The following PASK variants were observed in gnomAD, a reference collection of about 807,000 sequenced individuals.
The protein encoded by PASK is PAS domain-containing serine/threonine-protein kinase.
Under a neutral mutation model 121.0 loss-of-function variants are expected in PASK, and 110 were observed. The observed-to-expected ratio is 0.91, with a 90% CI of 0.78 to 1.06. The LOEUF (loss-of-function observed/expected upper bound fraction) is 1.06. PASK is among the 50% of genes least tolerant of loss of function. The probability of loss-of-function intolerance (pLI) is 0.00; values close to 1 mark genes in which losing one functional copy is unlikely to be tolerated. For synonymous variants in PASK, 686 were observed against 717.8 expected, an observed-to-expected ratio of 0.96 and a Z score of 0.71; for missense variants, 1,643 against 1,702.3, an observed-to-expected ratio of 0.97 and a Z score of 0.61.
intron 14 of PASK, chr2:241,113,586 T>C (rs1407153706): frequency 3.3e-6 from 1 of 300,282 alleles, no homozygotes; most frequent in Admixed American, 6.5e-5. Flanking sequence ...TATGTAGATA[T>C]ATACAAATCA....
At position 241,106,669 on chromosome 2, in the gene PASK, T is replaced by C. The variant is rs1431690570; in HGVS notation, c.3869A>G (p.Asp1290Gly). Residue 1290 changes from aspartate to glycine, a missense_variant, in exon 18 of 18, where the codon GAT (aspartate) becomes GGT (glycine). Asp to Gly is a moderately conservative substitution (Grantham distance 94, BLOSUM62 -1). Transcript: ENST00000234040. ...SLEMGNRSLS[D>G]VAQAQELCGG... ...ACAAAGCTCCTGAGCCTGGGCCACA[T>C]CACTCAGGCTCCTGTTCCCCATCTC... is the stretch of plus-strand genomic sequence containing the variant. 1 of 1,614,040 alleles carries C rather than the reference T, an allele frequency of 6.2e-7. No individual in the cohort carries two copies. Among genetic ancestry groups the C allele is most frequent in the Admixed American group, 1.7e-5 (1 of 60,006 alleles).
intron 12 of PASK, chr2:241,119,043 C>A: frequency 1.6e-6 from 1 of 628,826 alleles, no homozygotes; most frequent in Non-Finnish European, 2.0e-6. Context: ...GAGGCCCACC[C>A]CAGAGGCTGG....
At chr2:241,117,064 G>A (rs2065405059) in intron 12 of PASK, among the ~76,000 whole-genome samples, 1 of 152,166 alleles carries the variant, frequency 6.6e-6, no homozygotes, top group Non-Finnish European at 1.5e-5. Context: ...TGAGCTGTGA[G>A]GAGGTGTGAG....
Position 241,135,872 on chromosome 2 carries a change from C to A in PASK, c.1305G>T (p.Gln435His). ...TTCAGGAGGAAGAGGACGTCTTACC[C>A]TGGCCCCCCTCAGCTGGGTCCTGGC... is the stretch of plus-strand genomic sequence containing the variant. ...WQGQDPAEGGQDPRINVVLAG... is the reference protein window; with the variant it reads ...WQGQDPAEGGHDPRINVVLAG... Residue 435 changes from glutamine to histidine, a missense_variant and splice_region_variant, in exon 8 of 18, where the codon CAG (glutamine) becomes CAT (histidine). Gln to His is a conservative substitution (Grantham distance 24). Around this residue, in one of 3 missense-constraint regions of PASK, gnomAD observed 1,176 missense variants for 1,162.2 expected, o/e 1.01. Coordinates refer to ENST00000234040, the MANE Select transcript of PASK (RefSeq NM_015148.4). 1 of 1,613,888 alleles carries A rather than the reference C, an allele frequency of 6.2e-7. No individual in the cohort carries two copies. The highest frequency in any genetic ancestry group is 1.1e-5 in the South Asian group (1 of 91,074).
intron 12 of PASK, among the ~76,000 whole-genome samples, chr2:241,116,529 G>A (rs757752975): frequency 2.6e-5 from 4 of 152,308 alleles, no homozygotes; most frequent in African/African-American, 7.2e-5. Flanking sequence ...GAGAATAAAC[G>A]AAGAAGCCAG....
chr2:241,115,776 T>A (rs2065318710), intron 12 of PASK, among the ~76,000 whole-genome samples: 1 of 135,902 alleles, frequency 7.4e-6, no homozygotes. Context: ...AAGCATCCCA[T>A]TACGCCAGGG....
chr2:241,132,527 T>TAAAAA lies in PASK; in HGVS notation c.1463+342_1463+346dup, dbSNP rs71049553. On this transcript the variant is annotated intron_variant, in intron 9 of 17. Coordinates refer to ENST00000234040, the MANE Select transcript of PASK (RefSeq NM_015148.4). ...CTGGGTGACACAGCGAGACTCTGTCTAAAAAAAAAAAAAAAAAAAAAAAAA... is the reference window on the plus strand; with the variant it reads ...CTGGGTGACACAGCGAGACTCTGTCTAAAAAAAAAAAAAAAAAAAAAAAAAAAAAA... Among the ~76,000 whole-genome samples, 154 of 39,504 alleles carry TAAAAA rather than the reference T, an allele frequency of 3.9e-3. 5 individuals are homozygous for TAAAAA. Among genetic ancestry groups the TAAAAA allele is most frequent in the East Asian group, 0.022 (36 of 1,668 alleles). The allele number at this position is 39,504 out of a possible 152,430, so 25.9% of individuals were successfully genotyped here. A position where few individuals can be genotyped will look rare whatever the true frequency, so the allele number is the denominator to read the frequency against.
At chr2:241,145,450 C>G (rs2066909668) in intron 1 of PASK, among the ~76,000 whole-genome samples, 1 of 152,036 alleles carries the variant, frequency 6.6e-6, no homozygotes, top group African/African-American at 2.4e-5. Context: ...CAAAGCGAGA[C>G]CTGTCAAACC....
At chr2:241,132,770 T>G in intron 9 of PASK, 104 bp downstream of exon 9, 2 of 975,536 alleles carry the variant, frequency 2.1e-6, no homozygotes, top group Non-Finnish European at 3.3e-6. Context: ...TTTTCAATGT[T>G]ACTATGAATA....
Position 241,126,856 on chromosome 2 carries a change from ACT to A in PASK, c.2057_2058del (p.Glu686ValfsTer49). The A allele has an allele frequency of 6.2e-7, 1 of 1,612,542 alleles. No homozygotes were observed. Among genetic ancestry groups the A allele is most frequent in the Middle Eastern group, 1.7e-4 (1 of 6,056 alleles). On this transcript the variant is annotated frameshift_variant, in exon 10 of 18. Transcript: ENST00000234040. LOFTEE classifies it high-confidence loss of function. ...DVPHAELVPT[E>X]CQAVTAPVSS... ...GACACAGGAGCGGTGACAGCCTGGC[ACT>A]CTGTCGGAACGAGTTCGGCGTGGGG...
chr2:241,149,183 G>T (rs1264439381), intron 1 of PASK, among the ~76,000 whole-genome samples: 1 of 152,132 alleles, frequency 6.6e-6, no homozygotes, highest in Admixed American at 6.5e-5. Flanking sequence ...CTGGGGGCGC[G>T]GGGCCCAGGG....
At chr2:241,114,338 C>T (rs563422771) in intron 14 of PASK, 1 of 985,336 alleles carries the variant, frequency 1.0e-6, no homozygotes, top group Non-Finnish European at 1.2e-6. Flanking sequence ...ATCGAGTTGT[C>T]CCCAGCAAAC....
Position 241,108,422 on chromosome 2 carries a change from G to C in PASK, c.3534-122C>G, listed in dbSNP as rs895261435. On this transcript the variant is annotated intron_variant, in intron 15 of 17. Transcript: ENST00000234040. This position sits in a 1 kb window ranked among gnomAD's most constrained non-coding sequence, Gnocchi z 5.2. ...CAGGCCAGGCAGTGGTTTCCCAAGAGGAGGGTCACTCCACCCCTCAAACAC... is the reference window on the plus strand; with the variant it reads ...CAGGCCAGGCAGTGGTTTCCCAAGACGAGGGTCACTCCACCCCTCAAACAC... 3 of 973,998 alleles carry C rather than the reference G, an allele frequency of 3.1e-6. No individual in the cohort carries two copies. The highest frequency in any genetic ancestry group is 2.5e-5 in the East Asian group (1 of 39,310). The allele number at this position is 973,998 out of a possible 1,614,324, so 60.3% of individuals were successfully genotyped here.
intron 15 of PASK, among the ~76,000 whole-genome samples, chr2:241,110,634 G>A (rs538890790): frequency 3.3e-5 from 5 of 152,254 alleles, no homozygotes; most frequent in Admixed American, 1.3e-4. Flanking sequence ...CTGAGCTCTC[G>A]CCCAGGTTGG....
At chr2:241,124,156 C>T (rs746419114) in intron 10 of PASK, 23 bp from the exon 11 acceptor site, 8 of 1,607,544 alleles carry the variant, frequency 5.0e-6, no homozygotes, top group Admixed American at 3.3e-5. Flanking sequence ...AAGGTAAGAA[C>T]GCACAGGCCT....
intron 14 of PASK, chr2:241,114,251 A>T: frequency 4.1e-6 from 4 of 985,428 alleles, no homozygotes; most frequent in Non-Finnish European, 4.8e-6. Flanking sequence ...CTGAGAAACT[A>T]AACTTCGGAA....
At position 241,108,654 on chromosome 2, in the gene PASK, G is replaced by A. The variant is rs544184198; in HGVS notation, c.3534-354C>T. On this transcript the variant is annotated intron_variant, in intron 15 of 17. Transcript: ENST00000234040. This position sits in a 1 kb window ranked among gnomAD's most constrained non-coding sequence, Gnocchi z 5.2. The stretch of plus-strand genomic sequence containing the variant: ...ATTGGCTTTGCTGAGGGCCACGGGA[G>A]CTGCAGGCCACTTCAGAACAGGGTC... The A allele has an allele frequency of 7.8e-6, 3 of 383,242 alleles. No individual in the cohort carries two copies. The highest frequency in any genetic ancestry group is 1.3e-4 in the East Asian group (2 of 15,800). The allele number at this position is 383,242 out of a possible 1,614,324, so 23.7% of individuals were successfully genotyped here.
intron 1 of PASK, among the ~76,000 whole-genome samples, chr2:241,144,144 A>C (rs916782515): frequency 6.6e-6 from 1 of 151,196 alleles, no homozygotes; most frequent in Non-Finnish European, 1.5e-5. Flanking sequence ...ACATGTGTAC[A>C]TGAGCGTGTG....
Position 241,126,842 on chromosome 2 carries a change from G to T in PASK, c.2073C>A (p.Thr691=). The T allele has an allele frequency of 1.9e-6, 3 of 1,612,832 alleles. No homozygotes were observed. The highest frequency in any genetic ancestry group is 2.5e-6 in the Non-Finnish European group (3 of 1,178,982). ...CCAGATCGCAGGACGACACAGGAGCGGTGACAGCCTGGCACTCTGTCGGAA... is the reference window on the plus strand; with the variant it reads ...CCAGATCGCAGGACGACACAGGAGCTGTGACAGCCTGGCACTCTGTCGGAA... The part of the protein sequence containing the change: ...ELVPTECQAV[T]APVSSCDLGG... The change falls in exon 10 of 18, where the codon ACC becomes ACA. Residue 691 remains threonine (T), a synonymous_variant. Transcript: ENST00000234040.
Sources: gnomAD v4.1 joint callset for allele counts (sites outside exome capture counted in the v4.1 genomes callset) on GRCh38, gnomAD v4.1.1 for gene constraint, gnomAD v4.1.1 regional missense constraint, Gnocchi (gnomAD v3.1) non-coding constraint, MANE v1.5 for transcripts, NCBI Gene and HGNC (gene_info 2026-07-23, HGNC 2026-07-21) for gene names.